The following CPM variants were observed in gnomAD, a reference collection of about 807,000 sequenced individuals.
CPM encodes renal carboxypeptidase.
CPM carries 35 observed loss-of-function variants against 46.4 expected under a neutral mutation model. That is an observed-to-expected ratio of 0.75 (90% CI 0.58 to 1.00). CPM has a LOEUF of 1.00. Ranked by LOEUF, CPM falls within the 50% of genes least tolerant of loss-of-function variation. CPM has a pLI of 0.00. For missense variants in CPM, 422 were observed against 530.4 expected, an observed-to-expected ratio of 0.80 and a Z score of 2.01; for synonymous variants, 195 against 195.3, an observed-to-expected ratio of 1.00 and a Z score of 0.01.
chr12:68,936,006 C>T (rs1172316001), upstream of CPM, among the ~76,000 whole-genome samples: 1 of 152,126 alleles, frequency 6.6e-6, no homozygotes, highest in East Asian at 1.9e-4. Context: ...GTTGAAATTG[C>T]TGCCATTGGG....
At chr12:68,938,903 ATATATG>A (rs910808829) in intron 1 of CPM, among the ~76,000 whole-genome samples, 90 of 148,702 alleles carry the variant, frequency 6.1e-4, no homozygotes, top group Admixed American at 1.6e-3. Context: ...GTACATACAT[ATATATG>A]TATATGTGTA....
chr12:68,886,933 T>C (rs2647948), intron 2 of CPM, among the ~76,000 whole-genome samples: 133,201 of 152,192 alleles, frequency 0.88, 58,366 homozygotes, highest in Admixed American at 0.89. Context: ...AATCCCTTGT[T>C]GTGACCCACT....
chr12:68,867,942 C>T (rs1427748276), intron 6 of CPM, among the ~76,000 whole-genome samples: 1 of 152,174 alleles, frequency 6.6e-6, no homozygotes, highest in Non-Finnish European at 1.5e-5. Context: ...GCGGGTCAGG[C>T]CTGGCCAACA....
chr12:68,880,587 A>T lies in CPM; in HGVS notation c.258+5205T>A, dbSNP rs143943916. Among the ~76,000 whole-genome samples the T allele has an allele frequency of 2.4e-3, 362 of 152,300 alleles. 1 individual carries two copies. The highest frequency in any genetic ancestry group is 3.6e-3 in the Non-Finnish European group (248 of 68,032). On this transcript the variant is annotated intron_variant, in intron 3 of 8. Coordinates refer to ENST00000551568, the MANE Select transcript of CPM (RefSeq NM_198320.5). Reference sequence around the variant, plus strand: ...TATACTTAAGAATGAAAACCATAAAACAGAACATTTTAAAAACAGAGAAGA... The same window carrying T: ...TATACTTAAGAATGAAAACCATAAATCAGAACATTTTAAAAACAGAGAAGA...
At chr12:68,861,598 C>T (rs1194600260) in intron 7 of CPM, among the ~76,000 whole-genome samples, 3 of 151,422 alleles carry the variant, frequency 2.0e-5, no homozygotes, top group Non-Finnish European at 4.4e-5. Context: ...GGCGCGATCT[C>T]AGCTCACTGC....
chr12:68,879,108 G>C (rs1219648655), intron 3 of CPM, among the ~76,000 whole-genome samples: 1 of 152,072 alleles, frequency 6.6e-6, no homozygotes, highest in Non-Finnish European at 1.5e-5. Context: ...GGATTGCTTG[G>C]ACCCAGGTGT....
At chr12:68,898,195 G>C (rs1292154601) in intron 2 of CPM, among the ~76,000 whole-genome samples, 1 of 151,592 alleles carries the variant, frequency 6.6e-6, no homozygotes, top group African/African-American at 2.4e-5. Flanking sequence ...GTGTCACAGA[G>C]CTGTAATTTA....
At chr12:68,879,970 C>G (rs1177511693) in intron 3 of CPM, among the ~76,000 whole-genome samples, 3 of 151,926 alleles carry the variant, frequency 2.0e-5, no homozygotes, top group Non-Finnish European at 4.4e-5. Context: ...TACTACACAC[C>G]AAGCCAGGAG....
In CPM at chr12:68,855,534, G is replaced by A. The variant is rs1012119021; in HGVS notation, c.*903C>T. 6.6e-6 allele frequency: 1 copy of A among 152,026 alleles called. No homozygotes were observed. Among genetic ancestry groups the A allele is most frequent in the Admixed American group, 6.5e-5 (1 of 15,268 alleles). The allele number at this position is 152,026 out of a possible 1,614,324, so 9.4% of individuals were successfully genotyped here. A position where few individuals can be genotyped will look rare whatever the true frequency, so the allele number is the denominator to read the frequency against. ...CCTGTATGCTTTGAAGCTCTATAGAGACACAATCTTATCCCTTCAGGCCTG... is the reference window on the plus strand; with the variant it reads ...CCTGTATGCTTTGAAGCTCTATAGAAACACAATCTTATCCCTTCAGGCCTG... On this transcript the variant is annotated 3_prime_UTR_variant, in exon 9 of 9. Transcript: ENST00000551568.
At chr12:68,847,210 A>ATATATATATATATATG (rs1565756805), downstream of CPM, 4 of 135,132 alleles carry the variant, frequency 3.0e-5, no homozygotes, top group African/African-American at 1.2e-4. Context: ...ATATATATAT[A>ATATATATATATATATG]TACTTTTTTT....
intron 2 of CPM, among the ~76,000 whole-genome samples, chr12:68,924,248 G>A (rs1265807633): frequency 6.6e-6 from 1 of 151,784 alleles, no homozygotes; most frequent in Non-Finnish European, 1.5e-5. Flanking sequence ...TGTAATCCCA[G>A]CACTTTGGGA....
Position 68,897,736 on chromosome 12 carries a change from C to CAA in CPM, c.161-11849_161-11848dup, listed in dbSNP as rs62826660. 2.6e-4 allele frequency among the ~76,000 whole-genome samples: 28 copies of CAA among 106,034 alleles called. 1 individual carries two copies. Among genetic ancestry groups the CAA allele is most frequent in the African/African-American group, 7.3e-4 (21 of 28,820 alleles). 69.6% of individuals were successfully genotyped at this position (106,034 alleles called of 152,430 possible). A position where few individuals can be genotyped will look rare whatever the true frequency, so the allele number is the denominator to read the frequency against. On this transcript the variant is annotated intron_variant, in intron 2 of 8. Transcript: ENST00000551568. ...TGGGTGACAGAGCGAGACTCCGTTT[C>CAA]AAAAAAAAAAAAAAAAAAAGGCACA...
intron 8 of CPM, among the ~76,000 whole-genome samples, chr12:68,857,165 CTT>C (rs148512383): frequency 1.7e-4 from 25 of 143,168 alleles, no homozygotes; most frequent in Admixed American, 4.2e-4. Flanking sequence ...TTTCTTTTTT[CTT>C]TTTTTTTTTT....
intron 2 of CPM, among the ~76,000 whole-genome samples, chr12:68,889,207 T>G (rs1532328): frequency 0.5 from 76,221 of 151,980 alleles, 19,908 homozygotes; most frequent in Non-Finnish European, 0.58. Context: ...TAGTTGATAT[T>G]TAGGTACACT....
chr12:68,889,239 G>A (rs1285971488), intron 2 of CPM, among the ~76,000 whole-genome samples: 3 of 152,126 alleles, frequency 2.0e-5, no homozygotes, highest in South Asian at 2.1e-4. Context: ...ATACATAATC[G>A]TGAACATGTT....
chr12:68,877,151 C>G (rs1885994115), intron 3 of CPM, among the ~76,000 whole-genome samples: 1 of 152,198 alleles, frequency 6.6e-6, no homozygotes, highest in South Asian at 2.1e-4. Flanking sequence ...CCTCCCAAGT[C>G]TGGGTTCACC....
intron 2 of CPM, among the ~76,000 whole-genome samples, chr12:68,900,021 T>C (rs1187917040): frequency 2.4e-4 from 36 of 152,212 alleles, no homozygotes; most frequent in Admixed American, 2.3e-3. Flanking sequence ...ACTATTTTTG[T>C]ATTTTTTTCT....
intron 1 of CPM, among the ~76,000 whole-genome samples, chr12:68,962,009 G>A (rs1375862010): frequency 6.6e-6 from 1 of 151,950 alleles, no homozygotes; most frequent in Non-Finnish European, 1.5e-5. Flanking sequence ...GACCATCCTG[G>A]CTAACGCGGT....
intron 1 of CPM, among the ~76,000 whole-genome samples, chr12:68,940,068 T>A (rs1888736660): frequency 6.6e-6 from 1 of 151,786 alleles, no homozygotes; most frequent in Non-Finnish European, 1.5e-5. Context: ...TTAATTTATA[T>A]TTTCTTCTAT....
Sources: gnomAD v4.1 joint callset for allele counts (sites outside exome capture counted in the v4.1 genomes callset) on GRCh38, gnomAD v4.1.1 for gene constraint, MANE v1.5 for transcripts, NCBI Gene and HGNC (gene_info 2026-07-23, HGNC 2026-07-21) for gene names.